Variants in HIBADH observed in about 807,000 individuals in gnomAD.
HIBADH encodes 3-hydroxyisobutyrate dehydrogenase.
HIBADH carries 25 observed loss-of-function variants against 36.1 expected under a neutral mutation model. The observed-to-expected ratio is 0.69, with a 90% CI of 0.50 to 0.97. The LOEUF (loss-of-function observed/expected upper bound fraction) is 0.97. Ranked by LOEUF, HIBADH falls within the 50% of genes least tolerant of loss-of-function variation. The pLI is 0.00. For missense variants in HIBADH, 421 were observed against 418.0 expected (o/e 1.01, Z -0.06); for synonymous variants, 160 against 149.5 (o/e 1.07, Z -0.51).
At chr7:27,559,579 G>A (rs939991334) in intron 4 of HIBADH, among the ~76,000 whole-genome samples, 2 of 152,014 alleles carry the variant, frequency 1.3e-5, no homozygotes, top group African/African-American at 4.8e-5. Context: ...CTGCAGTGAG[G>A]TATGATCACT....
At chr7:27,582,134 C>T (rs1784802404) in intron 4 of HIBADH, among the ~76,000 whole-genome samples, 1 of 152,108 alleles carries the variant, frequency 6.6e-6, no homozygotes, top group Non-Finnish European at 1.5e-5. Flanking sequence ...GTAATTGCTT[C>T]TTTATTCTCC....
chr7:27,611,751 A>G (rs566773643), intron 4 of HIBADH, among the ~76,000 whole-genome samples: 2 of 152,326 alleles, frequency 1.3e-5, no homozygotes, highest in Non-Finnish European at 2.9e-5. Flanking sequence ...AGGTTATTCA[A>G]TTGAACAAAC....
intron 4 of HIBADH, among the ~76,000 whole-genome samples, chr7:27,576,931 C>A (rs1007254002): frequency 6.6e-6 from 1 of 152,160 alleles, no homozygotes. Flanking sequence ...ACTGCCTATA[C>A]ACACGGGACA....
intron 4 of HIBADH, among the ~76,000 whole-genome samples, chr7:27,545,209 G>A (rs1784219653): frequency 6.6e-6 from 1 of 152,210 alleles, no homozygotes; most frequent in Admixed American, 6.5e-5. Flanking sequence ...GGGAGGTTGA[G>A]GCTGGTGGAC....
chr7:27,546,730 T>C (rs932945754), intron 4 of HIBADH, among the ~76,000 whole-genome samples: 1 of 152,174 alleles, frequency 6.6e-6, no homozygotes, highest in African/African-American at 2.4e-5. Context: ...TTCAACACAA[T>C]TAACTGGGCA....
chr7:27,559,388 AAG>A (rs1784434779), intron 4 of HIBADH, among the ~76,000 whole-genome samples: 1 of 152,116 alleles, frequency 6.6e-6, no homozygotes, highest in Admixed American at 6.5e-5. Flanking sequence ...TTATGAGACC[AAG>A]GCAGGGGGAT....
chr7:27,606,812 T>C (rs889230475), intron 4 of HIBADH, among the ~76,000 whole-genome samples: 1 of 152,246 alleles, frequency 6.6e-6, no homozygotes, highest in Non-Finnish European at 1.5e-5. Flanking sequence ...GCTAAATAAA[T>C]TTTGTTCAAT....
At chr7:27,624,081 A>C (rs1785595765) in intron 4 of HIBADH, among the ~76,000 whole-genome samples, 1 of 152,230 alleles carries the variant, frequency 6.6e-6, no homozygotes, top group African/African-American at 2.4e-5. Context: ...TACAAGCATA[A>C]GCCACCGCAT....
intron 2 of HIBADH, among the ~76,000 whole-genome samples, chr7:27,643,632 A>C (rs1472281621): frequency 6.6e-6 from 1 of 152,236 alleles, no homozygotes; most frequent in Non-Finnish European, 1.5e-5. Context: ...AATGTTTGCT[A>C]CATTAGTTTT....
intron 1 of HIBADH, among the ~76,000 whole-genome samples, chr7:27,659,193 T>C (rs2128298255): frequency 6.6e-6 from 1 of 152,378 alleles, no homozygotes; most frequent in African/African-American, 2.4e-5. Context: ...CACCTCAAGA[T>C]GATCTGATGT....
intron 4 of HIBADH, among the ~76,000 whole-genome samples, chr7:27,563,867 A>G (rs1363923928): frequency 1.3e-5 from 2 of 150,166 alleles, no homozygotes; most frequent in Non-Finnish European, 3.0e-5. Flanking sequence ...GCCTCTTAAC[A>G]GTGTTTTAGC....
chr7:27,570,682 T>C (rs1562625438), intron 4 of HIBADH, among the ~76,000 whole-genome samples: 1 of 144,190 alleles, frequency 6.9e-6, no homozygotes, highest in Non-Finnish European at 1.5e-5. Context: ...TTACTGTATA[T>C]AAATTATACC....
intron 5 of HIBADH, among the ~76,000 whole-genome samples, chr7:27,540,208 T>G (rs1251943431): frequency 1.3e-5 from 2 of 152,178 alleles, no homozygotes; most frequent in African/African-American, 2.4e-5. Flanking sequence ...GGGTCCATGT[T>G]GTAAAAGAAG....
At chr7:27,607,490 C>T (rs1470653543) in intron 4 of HIBADH, among the ~76,000 whole-genome samples, 1 of 151,948 alleles carries the variant, frequency 6.6e-6, no homozygotes, top group Admixed American at 6.6e-5. Flanking sequence ...GCCTGGGCAG[C>T]AGACCAAGAC....
chr7:27,595,620 GT>G (rs1433966166), intron 4 of HIBADH, among the ~76,000 whole-genome samples: 1 of 148,488 alleles, frequency 6.7e-6, no homozygotes, highest in Non-Finnish European at 1.5e-5. Context: ...GTGTGTGTGT[GT>G]GTGAACCGCT....
intron 6 of HIBADH, among the ~76,000 whole-genome samples, chr7:27,536,273 CATGTT>C (rs1475142661): frequency 6.6e-6 from 1 of 152,060 alleles, no homozygotes; most frequent in Non-Finnish European, 1.5e-5. Flanking sequence ...ATAAAATCCT[CATGTT>C]ATGAAAATAA....
rs55947942 is a variant in HIBADH at position 27,572,219 on chromosome 7, A to T, written c.485-29119T>A. ...GCTTTATTTATTATTCTTATTTCAG[A>T]TTACTACTCGATTATTTGGTCACTG... On this transcript the variant is annotated intron_variant, in intron 4 of 7. Coordinates refer to ENST00000265395, the MANE Select transcript of HIBADH (RefSeq NM_152740.4). 8.8e-3 allele frequency among the ~76,000 whole-genome samples: 1,338 copies of T among 152,292 alleles called. 9 individuals carry two copies. Among genetic ancestry groups the T allele is most frequent in the South Asian group, 0.023 (112 of 4,824 alleles).
At chr7:27,534,234 ATATT>A (rs1334421043) in intron 6 of HIBADH, among the ~76,000 whole-genome samples, 3 of 152,234 alleles carry the variant, frequency 2.0e-5, no homozygotes, top group African/African-American at 7.2e-5. Context: ...ATGTTTGTTT[ATATT>A]ATCTGTGAGT....
At chr7:27,565,283 G>A (rs1014480277) in intron 4 of HIBADH, among the ~76,000 whole-genome samples, 15 of 152,104 alleles carry the variant, frequency 9.9e-5, no homozygotes, top group African/African-American at 1.7e-4. Flanking sequence ...TCTTGCCCAC[G>A]TTTTCCTTCT....
Sources: allele counts gnomAD v4.1 joint callset (sites outside exome capture counted in the v4.1 genomes callset), GRCh38; gene constraint gnomAD v4.1.1; transcripts MANE v1.5; gene names NCBI Gene and HGNC (gene_info 2026-07-23, HGNC 2026-07-21).